SYTL1: variants seen among roughly 807,000 people sequenced by gnomAD.
SYTL1 encodes the protein synaptotagmin like 1.
Under a neutral mutation model 74.6 loss-of-function variants are expected in SYTL1, and 53 were observed. That is an observed-to-expected ratio of 0.71 (90% CI 0.57 to 0.89). The LOEUF (loss-of-function observed/expected upper bound fraction) is 0.89. SYTL1 is among the 40% of genes least tolerant of loss of function. The pLI is 0.00. For synonymous variants in SYTL1, 329 were observed against 324.9 expected, an observed-to-expected ratio of 1.01 and a Z score of -0.14; for missense variants, 728 against 768.7, an observed-to-expected ratio of 0.95 and a Z score of 0.63.
Position 27,347,754 on chromosome 1 carries a change from C to A in SYTL1, c.341-54C>A. On this transcript the variant is annotated intron_variant, in intron 3 of 14. Transcript: ENST00000616558. This position sits in a 1 kb window ranked among gnomAD's most constrained non-coding sequence, Gnocchi z 4.9. ...GTATCTCCCAGGGCCTCTCCCGAGT[C>A]ACAGCCAGGCTTCCTGAGCATGGGG... 1.9e-6 allele frequency: 3 copies of A among 1,580,314 alleles called. No individual in the cohort carries two copies. In the South Asian group the frequency reaches 3.5e-5, roughly 18 times the overall value.
Position 27,351,509 on chromosome 1 carries a change from G to A in SYTL1, c.1297G>A (p.Asp433Asn). Residue 433 changes from aspartate (D) to asparagine (N), a missense_variant, in exon 13 of 15, where the codon GAC becomes AAC. Coordinates refer to ENST00000616558, the MANE Select transcript of SYTL1 (RefSeq NM_001193308.2). The surrounding 1 kb of genome is among the most constrained non-coding windows in gnomAD (Gnocchi z 5.0). ...GCACTTCTGGGTGAAGGAGGCTCGG[G>A]ACCTCCTGCCGCTGCGGGCAGGATC... ...ELHFWVKEAR[D>N]LLPLRAGSLD... 2.6e-6 allele frequency: 4 copies of A among 1,549,166 alleles called. No individual in the cohort carries two copies. The South Asian group carries it at 4.8e-5, about 18-fold the overall frequency.
In SYTL1 at chr1:27,351,421, A is replaced by G. The variant is rs2015270917; in HGVS notation, c.1244-35A>G. The G allele has an allele frequency of 4.6e-6, 7 of 1,507,666 alleles. No individual in the cohort carries two copies. Among genetic ancestry groups the G allele is most frequent in the Non-Finnish European group, 6.2e-6 (7 of 1,123,068 alleles). 93.4% of individuals were successfully genotyped at this position (1,507,666 alleles called of 1,614,324 possible). A position where few individuals can be genotyped will look rare whatever the true frequency, so the allele number is the denominator to read the frequency against. On this transcript the variant is annotated intron_variant, in intron 12 of 14. Coordinates refer to ENST00000616558, the MANE Select transcript of SYTL1 (RefSeq NM_001193308.2). This position sits in a 1 kb window ranked among gnomAD's most constrained non-coding sequence, Gnocchi z 5.0. ...CCCGGGTTTGGGGGCGGTGGACTCC[A>G]TCCGTGTGCGGGCCTGAGCCGAGCC...
rs557286695 is a variant in SYTL1, at chr1:27,345,549, G to A, written c.191+24G>A. 132 of 1,505,438 alleles carry A rather than the reference G, an allele frequency of 8.8e-5. 3 individuals are homozygous for A. In the South Asian group the frequency reaches 1.1e-3, roughly 13 times the overall value. 93.3% of individuals were successfully genotyped at this position (1,505,438 alleles called of 1,614,324 possible). On this transcript the variant is annotated intron_variant, in intron 2 of 14. Coordinates refer to ENST00000616558, the MANE Select transcript of SYTL1 (RefSeq NM_001193308.2). This position sits in a 1 kb window ranked among gnomAD's most constrained non-coding sequence, Gnocchi z 6.0. ...AGGTAAGGCAGGGCAGACCCTGGCC[G>A]GGGAGCACCAAGAGGCTTGAGTGGC...
At chr1:27,349,867 C>A in intron 8 of SYTL1, 102 bp downstream of exon 8, 1 of 1,534,964 alleles carries the variant, frequency 6.5e-7, no homozygotes. Context: ...CCGCTGCAGC[C>A]CCCCAGCCTG....
In SYTL1 at chr1:27,351,521, C is replaced by G; in HGVS notation, c.1309C>G (p.Leu437Val). ...GAAGGAGGCTCGGGACCTCCTGCCG[C>G]TGCGGGCAGGATCCCTGGACACTTA... ...WVKEARDLLP[L>V]RAGSLDTYVQ... is the part of the protein sequence containing the mutation. Residue 437 changes from leucine (L) to valine (V), a missense_variant, in exon 13 of 15, where the codon CTG becomes GTG. Leu to Val is a conservative substitution (Grantham distance 32, BLOSUM62 1). Coordinates refer to ENST00000616558, the MANE Select transcript of SYTL1 (RefSeq NM_001193308.2). This position sits in a 1 kb window ranked among gnomAD's most constrained non-coding sequence, Gnocchi z 5.0. 6.5e-7 allele frequency: 1 copy of G among 1,548,576 alleles called. No individual in the cohort carries two copies. The highest frequency in any genetic ancestry group is 8.7e-7 in the Non-Finnish European group (1 of 1,145,712).
rs1299865906 is a variant in SYTL1, at chr1:27,342,462, A to C, written c.-39+312A>C. ...CTGATGCCCATGGCCCAGCTCAGGC[A>C]GGCCTGAAGGACAGAAATAGGCTCA... On this transcript the variant is annotated intron_variant, in intron 1 of 14. Coordinates refer to ENST00000616558, the MANE Select transcript of SYTL1 (RefSeq NM_001193308.2). This position sits in a 1 kb window ranked among gnomAD's most constrained non-coding sequence, Gnocchi z 4.7. The C allele has an allele frequency of 5.1e-6, 2 of 394,862 alleles. No homozygotes were observed. Among genetic ancestry groups the C allele is most frequent in the Non-Finnish European group, 6.9e-6 (2 of 290,120 alleles). The allele number at this position is 394,862 out of a possible 1,614,324, so 24.5% of individuals were successfully genotyped here.
In SYTL1 at chr1:27,347,371, G is replaced by A. The variant is rs752046188; in HGVS notation, c.192-50G>A. ...AGCCTGTTAACAATGTAGGTGGCGG[G>A]AATGTTGCTTGGGTGAGTCATGACA... On this transcript the variant is annotated intron_variant, in intron 2 of 14. Transcript: ENST00000616558. This position sits in a 1 kb window ranked among gnomAD's most constrained non-coding sequence, Gnocchi z 4.9. 5 of 1,612,750 alleles carry A rather than the reference G, an allele frequency of 3.1e-6. No individual in the cohort carries two copies. The African/African-American group carries it at 6.7e-5, about 22-fold the overall frequency.
rs751473259 is a variant in SYTL1, at chr1:27,351,023, G to A, written c.1164+71G>A. 5.1e-6 allele frequency: 8 copies of A among 1,557,842 alleles called. No homozygotes were observed. The highest frequency in any genetic ancestry group is 7.0e-6 in the Non-Finnish European group (8 of 1,142,706). ...TGCATTTACCCCACCAGGCTCTCCC[G>A]CAGCCCCCTCACACCCCGCCTTCGA... On this transcript the variant is annotated intron_variant, in intron 11 of 14. Coordinates refer to ENST00000616558, the MANE Select transcript of SYTL1 (RefSeq NM_001193308.2). The surrounding 1 kb of genome is among the most constrained non-coding windows in gnomAD (Gnocchi z 5.0).
chr1:27,347,962 C>T lies in SYTL1; in HGVS notation c.414-5C>T, dbSNP rs1467403447. The T allele has an allele frequency of 6.2e-7, 1 of 1,614,168 alleles. No homozygotes were observed. Among genetic ancestry groups the T allele is most frequent in the Non-Finnish European group, 8.5e-7 (1 of 1,180,002 alleles). ...CCTCTGAGAGCGTCCTCTCCCTACT[C>T]CTAGGCTCACCATTGATGAGGCCCC... On this transcript the variant is annotated splice_polypyrimidine_tract_variant and splice_region_variant and intron_variant, in intron 4 of 14. Transcript: ENST00000616558. The surrounding 1 kb of genome is among the most constrained non-coding windows in gnomAD (Gnocchi z 4.9).
chr1:27,350,291 G>C lies in SYTL1; in HGVS notation c.909-98G>C. The C allele has an allele frequency of 6.7e-7, 1 of 1,482,624 alleles. No homozygotes were observed. The highest frequency in any genetic ancestry group is 9.4e-7 in the Non-Finnish European group (1 of 1,060,636). The allele number at this position is 1,482,624 out of a possible 1,614,324, so 91.8% of individuals were successfully genotyped here. A position where few individuals can be genotyped will look rare whatever the true frequency, so the allele number is the denominator to read the frequency against. ...AATCCCTGTAAAGCGCTTAGCACGA[G>C]GCCTGGCACGTGTTCGGGATGGTGG... is the stretch of plus-strand genomic sequence containing the variant. On this transcript the variant is annotated intron_variant, in intron 9 of 14. Coordinates refer to ENST00000616558, the MANE Select transcript of SYTL1 (RefSeq NM_001193308.2). The surrounding 1 kb of genome is among the most constrained non-coding windows in gnomAD (Gnocchi z 6.3).
In SYTL1 at chr1:27,349,748, A is replaced by G; in HGVS notation, c.730A>G (p.Ser244Gly). 1.2e-6 allele frequency: 2 copies of G among 1,605,206 alleles called. No homozygotes were observed. Among genetic ancestry groups the G allele is most frequent in the Non-Finnish European group, 8.5e-7 (1 of 1,178,662 alleles). Residue 244 changes from serine (S) to glycine (G), a missense_variant, in exon 8 of 15, where the codon AGC (serine) becomes GGC (glycine). By Grantham distance (56) the Ser-to-Gly change is moderately conservative. Transcript: ENST00000616558. ...GCTCAGCAGCAGCTCCTCGGTGTCC[A>G]GCCTTAACTCCTCCACGGTGAGGCG... ...RMLSSSSSVS[S>G]LNSSTLSGSQ...
At position 27,350,105 on chromosome 1, in the gene SYTL1, C is replaced by G. The variant is rs2015193363; in HGVS notation, c.881C>G (p.Ala294Gly). 4.0e-5 allele frequency: 56 copies of G among 1,402,820 alleles called. No homozygotes were observed. Among genetic ancestry groups the G allele is most frequent in the Non-Finnish European group, 5.1e-5 (55 of 1,084,498 alleles). The allele number at this position is 1,402,820 out of a possible 1,614,324, so 86.9% of individuals were successfully genotyped here. Reference protein sequence around the residue: ...RVHVIQCQGLAAARRRRSDPY... With the variant: ...RVHVIQCQGLGAARRRRSDPY... ...CACGTGATCCAGTGCCAGGGCCTGG[C>G]CGCCGCCCGGCGCCGCCGCTCGGAC... Residue 294 changes from alanine to glycine, a missense_variant, in exon 9 of 15, where the codon GCC becomes GGC. Transcript: ENST00000616558. The surrounding 1 kb of genome is among the most constrained non-coding windows in gnomAD (Gnocchi z 6.3).
intron 1 of SYTL1, among the ~76,000 whole-genome samples, chr1:27,344,538 G>C (rs1239345192): frequency 6.8e-6 from 1 of 147,070 alleles, no homozygotes; most frequent in African/African-American, 2.5e-5. Flanking sequence ...ACCGCGCCTG[G>C]CCACTGTGTG....
At position 27,345,500 on chromosome 1, in the gene SYTL1, C is replaced by A; in HGVS notation, c.166C>A (p.Arg56Ser). 1 of 1,556,728 alleles carries A rather than the reference C, an allele frequency of 6.4e-7. No individual in the cohort carries two copies. The highest frequency in any genetic ancestry group is 8.7e-7 in the Non-Finnish European group (1 of 1,149,564). ...AGVLQRDARL[R>S]QLEEGRVSKL... ...CGTCCTCCAACGAGATGCCCGCCTG[C>A]GCCAGCTGGAGGAGGGGCGGGTCAG... Residue 56 changes from arginine (R) to serine (S), a missense_variant, in exon 2 of 15, where the codon CGC (arginine) becomes AGC (serine). Coordinates refer to ENST00000616558, the MANE Select transcript of SYTL1 (RefSeq NM_001193308.2). The surrounding 1 kb of genome is among the most constrained non-coding windows in gnomAD (Gnocchi z 6.0).
intron 2 of SYTL1, among the ~76,000 whole-genome samples, chr1:27,346,948 T>A (rs577984840): frequency 5.2e-4 from 78 of 150,934 alleles, no homozygotes; most frequent in African/African-American, 1.9e-3. Flanking sequence ...AAAAGCCCCG[T>A]CTCTACAAAA....
rs1424184549 is a variant in SYTL1 at position 27,342,911 on chromosome 1, C to T, written c.-39+761C>T. ...CGAACGTGGGCTCACACGTTGGCCA[C>T]AGAAGTCCAGGGAAACTGCTGTTGT... On this transcript the variant is annotated intron_variant, in intron 1 of 14. Coordinates refer to ENST00000616558, the MANE Select transcript of SYTL1 (RefSeq NM_001193308.2). This position sits in a 1 kb window ranked among gnomAD's most constrained non-coding sequence, Gnocchi z 4.7. 1.3e-5 allele frequency among the ~76,000 whole-genome samples: 2 copies of T among 151,896 alleles called. No homozygotes were observed. Among genetic ancestry groups the T allele is most frequent in the Admixed American group, 6.5e-5 (1 of 15,280 alleles).
At chr1:27,346,760 CA>C (rs915914824) in intron 2 of SYTL1, among the ~76,000 whole-genome samples, 4 of 147,938 alleles carry the variant, frequency 2.7e-5, no homozygotes, top group Non-Finnish European at 3.0e-5. Context: ...GACCCTGTCT[CA>C]AAAAAAAATA....
rs569370648 is a variant in SYTL1, at chr1:27,343,993, G to A, written c.-38-1304G>A. On this transcript the variant is annotated intron_variant, in intron 1 of 14. Transcript: ENST00000616558. The surrounding 1 kb of genome is among the most constrained non-coding windows in gnomAD (Gnocchi z 5.2). ...CTTGCCCAGGCTGGAGTGCAGTGGC[G>A]CCATCTCAGCTCACTGCAACCTCCT... is the stretch of plus-strand genomic sequence containing the variant. 9.2e-5 allele frequency among the ~76,000 whole-genome samples: 14 copies of A among 152,248 alleles called. No homozygotes were observed. The highest frequency in any genetic ancestry group is 3.4e-3 in the Middle Eastern group (1 of 294).
rs990346492 is a variant in SYTL1, at chr1:27,351,482, C to T, written c.1270C>T (p.Leu424=). ...EGAGLPPSGE[L]HFWVKEARDL... ...CGCAGGACTGCCCCCGAGCGGGGAGCTGCACTTCTGGGTGAAGGAGGCTCG... is the reference window on the plus strand; with the variant it reads ...CGCAGGACTGCCCCCGAGCGGGGAGTTGCACTTCTGGGTGAAGGAGGCTCG... The change falls in exon 13 of 15, where the codon CTG becomes TTG. Residue 424 remains leucine, a synonymous_variant. Coordinates refer to ENST00000616558, the MANE Select transcript of SYTL1 (RefSeq NM_001193308.2). This position sits in a 1 kb window ranked among gnomAD's most constrained non-coding sequence, Gnocchi z 5.0. 13 of 1,547,780 alleles carry T rather than the reference C, an allele frequency of 8.4e-6. No homozygotes were observed. The Middle Eastern group carries it at 5.0e-4, about 60-fold the overall frequency.
Sources: gnomAD v4.1 joint callset for allele counts (sites outside exome capture counted in the v4.1 genomes callset) on GRCh38, gnomAD v4.1.1 for gene constraint, Gnocchi (gnomAD v3.1) non-coding constraint, MANE v1.5 for transcripts, NCBI Gene and HGNC (gene_info 2026-07-23, HGNC 2026-07-21) for gene names.